The following BACH2 variants were observed in gnomAD, a reference collection of about 807,000 sequenced individuals.
The protein encoded by BACH2 is transcription regulator protein BACH2.
In BACH2, 5 loss-of-function variants were observed where a neutral mutation model predicts 61.8. The observed-to-expected ratio is 0.08, with a 90% CI of 0.04 to 0.17. The LOEUF (loss-of-function observed/expected upper bound fraction) is 0.17. Among genes scored for constraint, BACH2 ranks in the 10% least tolerant of loss-of-function variants. The pLI, the probability that BACH2 is intolerant of heterozygous loss-of-function variation, is 1.00. For synonymous variants in BACH2, 446 were observed against 440.1 expected, an observed-to-expected ratio of 1.01 and a Z score of -0.17; for missense variants, 824 against 1,091.1, an observed-to-expected ratio of 0.76 and a Z score of 3.45.
At chr6:90,180,246 G>A (rs939215679) in intron 4 of BACH2, among the ~76,000 whole-genome samples, 1 of 151,816 alleles carries the variant, frequency 6.6e-6, no homozygotes, top group Non-Finnish European at 1.5e-5. Flanking sequence ...AAAAAACTAA[G>A]AGTAAAATTT....
intron 4 of BACH2, among the ~76,000 whole-genome samples, chr6:90,177,950 T>G (rs1768033848): frequency 1.3e-5 from 2 of 152,188 alleles, no homozygotes; most frequent in Admixed American, 6.5e-5. Context: ...AAGCCACTTT[T>G]GGTCAAGAAA....
At chr6:90,177,677 T>C (rs923885469) in intron 4 of BACH2, among the ~76,000 whole-genome samples, 1 of 152,168 alleles carries the variant, frequency 6.6e-6, no homozygotes, top group African/African-American at 2.4e-5. Flanking sequence ...TGCAGAATGC[T>C]AGAGGAGGCA....
At chr6:90,236,294 A>G (rs892390090) in intron 3 of BACH2, among the ~76,000 whole-genome samples, 2 of 152,254 alleles carry the variant, frequency 1.3e-5, no homozygotes, top group African/African-American at 4.8e-5. Flanking sequence ...TGAGGAAGGC[A>G]CGTCAACTAA....
At chr6:90,114,840 AC>A (rs1783324723) in intron 4 of BACH2, among the ~76,000 whole-genome samples, 1 of 152,142 alleles carries the variant, frequency 6.6e-6, no homozygotes, top group Non-Finnish European at 1.5e-5. Context: ...AAATCAAGGT[AC>A]AAAAATCACT....
rs6929109 is a variant in BACH2, at chr6:90,260,124, T to C, written c.-352-7534A>G. On this transcript the variant is annotated intron_variant, in intron 2 of 8. Coordinates refer to ENST00000257749, the MANE Select transcript of BACH2 (RefSeq NM_021813.4). The stretch of plus-strand genomic sequence containing the variant: ...TTAGTTTGTTCTTTTTCTAGTTCCT[T>C]GAGGTGTAATGTCACACTATTCATT... 6.4e-3 allele frequency among the ~76,000 whole-genome samples: 979 copies of C among 152,278 alleles called. 9 individuals are homozygous for C. Among genetic ancestry groups the C allele is most frequent in the African/African-American group, 0.022 (934 of 41,554 alleles).
At chr6:90,161,931 A>G (rs1785205510) in intron 4 of BACH2, among the ~76,000 whole-genome samples, 1 of 152,154 alleles carries the variant, frequency 6.6e-6, no homozygotes, top group African/African-American at 2.4e-5. Flanking sequence ...TGGCCGATGA[A>G]TTTATTTGGA....
At chr6:90,012,720 C>G (rs962678127) in intron 5 of BACH2, among the ~76,000 whole-genome samples, 2 of 151,646 alleles carry the variant, frequency 1.3e-5, no homozygotes, top group Non-Finnish European at 2.9e-5. Context: ...AGATGGAGTG[C>G]AGTGGTGCGA....
rs566545692 is a variant in BACH2 at position 90,027,226 on chromosome 6, C to A, written c.-12-18370G>T. Among the ~76,000 whole-genome samples, 5 of 152,166 alleles carry A rather than the reference C, an allele frequency of 3.3e-5. No homozygotes were observed. In the East Asian group the frequency reaches 9.7e-4, roughly 29 times the overall value. The stretch of plus-strand genomic sequence containing the variant: ...CAGGTCAAATGCCCTTCAGAGAACA[C>A]GGGGAAAAGGCAGTGAAAAGGAATG... On this transcript the variant is annotated intron_variant, in intron 5 of 8. Transcript: ENST00000257749.
chr6:89,964,647 T>C (rs1774949120), intron 6 of BACH2, among the ~76,000 whole-genome samples: 1 of 152,200 alleles, frequency 6.6e-6, no homozygotes, highest in African/African-American at 2.4e-5. Flanking sequence ...GAAGGTGGAA[T>C]TGCCAATGTG....
At chr6:90,155,362 G>T (rs1482412053) in intron 4 of BACH2, among the ~76,000 whole-genome samples, 1 of 152,196 alleles carries the variant, frequency 6.6e-6, no homozygotes, top group Non-Finnish European at 1.5e-5. Flanking sequence ...AGGTGTCAGC[G>T]ATATGTTCCA....
At chr6:89,989,251 C>T (rs1356770845) in intron 6 of BACH2, among the ~76,000 whole-genome samples, 1 of 152,194 alleles carries the variant, frequency 6.6e-6, no homozygotes, top group Non-Finnish European at 1.5e-5. Context: ...ATCTCCAGAA[C>T]CTTTTCATCT....
intron 1 of BACH2, among the ~76,000 whole-genome samples, chr6:90,293,894 C>T (rs916880128): frequency 6.6e-6 from 1 of 152,142 alleles, no homozygotes; most frequent in Non-Finnish European, 1.5e-5. Flanking sequence ...TACACAGCAG[C>T]CAGAGGTGAG....
At chr6:90,123,586 C>T (rs924946575) in intron 4 of BACH2, among the ~76,000 whole-genome samples, 10 of 151,328 alleles carry the variant, frequency 6.6e-5, no homozygotes, top group Middle Eastern at 3.4e-3. Context: ...CCAGCTAAAA[C>T]GGTGAAACCC....
intron 3 of BACH2, among the ~76,000 whole-genome samples, chr6:90,243,774 G>A (rs756527332): frequency 1.7e-4 from 26 of 152,126 alleles, no homozygotes; most frequent in Non-Finnish European, 3.1e-4. Context: ...TCATGAACAG[G>A]TCTACTACCT....
intron 4 of BACH2, among the ~76,000 whole-genome samples, chr6:90,153,479 T>C (rs1001275004): frequency 2.6e-5 from 4 of 152,228 alleles, no homozygotes; most frequent in African/African-American, 9.6e-5. Flanking sequence ...ATTTCAATAC[T>C]ATATTCTCAG....
chr6:90,255,950 C>T (rs1332777410), intron 2 of BACH2, among the ~76,000 whole-genome samples: 2 of 152,178 alleles, frequency 1.3e-5, no homozygotes, highest in Non-Finnish European at 2.9e-5. Flanking sequence ...ATATCAACCC[C>T]AAAATGTACC....
At chr6:90,239,244 G>A (rs533759183) in intron 3 of BACH2, among the ~76,000 whole-genome samples, 2 of 152,278 alleles carry the variant, frequency 1.3e-5, no homozygotes, top group Admixed American at 1.3e-4. Context: ...TTGAAATTAG[G>A]GTTGGCGGAT....
chr6:90,275,625 T>C (rs1284011539), intron 1 of BACH2, among the ~76,000 whole-genome samples: 2 of 151,298 alleles, frequency 1.3e-5, no homozygotes, highest in African/African-American at 2.4e-5. Context: ...CCTGATAGGT[T>C]TTTTTTTTTC....
At chr6:90,150,916 C>T (rs1018899731) in intron 4 of BACH2, among the ~76,000 whole-genome samples, 1 of 152,082 alleles carries the variant, frequency 6.6e-6, no homozygotes, top group Admixed American at 6.6e-5. Flanking sequence ...GAGAGCTGAG[C>T]GGTGCATTTT....
Sources: gnomAD v4.1 joint callset for allele counts (sites outside exome capture counted in the v4.1 genomes callset) on GRCh38, gnomAD v4.1.1 for gene constraint, MANE v1.5 for transcripts, NCBI Gene and HGNC (gene_info 2026-07-23, HGNC 2026-07-21) for gene names.